The following DCAF6 variants were observed in gnomAD, a reference collection of about 807,000 sequenced individuals.
DCAF6 encodes DDB1- and CUL4-associated factor 6.
A neutral mutation model predicts 125.1 loss-of-function variants in DCAF6; 54 were observed. The observed-to-expected ratio is 0.43, with a 90% confidence interval of 0.35 to 0.54. The LOEUF is 0.54. Ranked by LOEUF, DCAF6 falls within the 20% of genes least tolerant of loss-of-function variation. The probability of loss-of-function intolerance (pLI) is 0.01; values close to 1 mark genes in which losing one functional copy is unlikely to be tolerated. For missense variants in DCAF6, 934 were observed against 1,161.7 expected (o/e 0.80, Z 2.85); for synonymous variants, 371 against 390.4 (o/e 0.95, Z 0.58).
chr1:167,937,752 T>A (rs541831648), intron 1 of DCAF6, among the ~76,000 whole-genome samples: 1 of 152,198 alleles, frequency 6.6e-6, no homozygotes, highest in African/African-American at 2.4e-5. Context: ...TAACATTTTT[T>A]TTTTGAGGAT....
At position 168,003,884 on chromosome 1, in the gene DCAF6, A is replaced by C; in HGVS notation, c.1012A>C (p.Asn338His). 1 of 1,610,764 alleles carries C rather than the reference A, an allele frequency of 6.2e-7. No individual in the cohort carries two copies. Among genetic ancestry groups the C allele is most frequent in the South Asian group, 1.1e-5 (1 of 90,888 alleles). The change falls in exon 9 of 22, where the codon AAT becomes CAT. Residue 338 changes from asparagine (N) to histidine (H), a missense_variant. Transcript: ENST00000367840. ...TATTGTAATAGGAGAGCAGAGTCCC[A>C]ATGTGTCATTGATGCAGAGAATGTC... ...ERERDGEQSP[N>H]VSLMQRMSDM...
the DCAF6 span, chr1:167,920,142 T>A: frequency 9.0e-7 from 1 of 1,112,026 alleles, no homozygotes; most frequent in Non-Finnish European, 1.4e-6. Flanking sequence ...TTCAATAACT[T>A]CAGTGAATAC....
intron 1 of DCAF6, among the ~76,000 whole-genome samples, chr1:167,950,937 G>A (rs1386157107): frequency 1.3e-5 from 2 of 152,074 alleles, no homozygotes; most frequent in Non-Finnish European, 2.9e-5. Context: ...TAACTTTAAC[G>A]TTTCTGAAAT....
At position 168,065,730 on chromosome 1, in the gene DCAF6, A is replaced by G. The variant is rs1029052478; in HGVS notation, c.2580A>G (p.Pro860=). Residue 860 remains proline (P), a synonymous_variant, in exon 19 of 22, where the codon CCA becomes CCG. Coordinates refer to ENST00000367840, the MANE Select transcript of DCAF6 (RefSeq NM_001198956.2). The part of the protein sequence containing the change: ...ADNHVVNCLQ[P]HPFDPILASS... ...ATCATGTGGTAAACTGCCTGCAGCC[A>G]CATCCGTTTGACCCAAGTAAGATAT... The G allele has an allele frequency of 9.9e-6, 16 of 1,612,006 alleles. No homozygotes were observed. Among genetic ancestry groups the G allele is most frequent in the Non-Finnish European group, 8.5e-7 (1 of 1,178,830 alleles).
chr1:168,073,964 A>G (rs1558062767), intron 21 of DCAF6, among the ~76,000 whole-genome samples: 1 of 144,110 alleles, frequency 6.9e-6, no homozygotes, highest in East Asian at 2.0e-4. Context: ...ATAAATATGT[A>G]TTGAATACAT....
the DCAF6 span, chr1:167,883,661 C>T: frequency 6.2e-7 from 1 of 1,610,746 alleles, no homozygotes; most frequent in Admixed American, 1.7e-5. Context: ...CTGTAGGTGT[C>T]CTTGGCAGTG....
chr1:168,050,451 C>G (rs1314436931), intron 16 of DCAF6, among the ~76,000 whole-genome samples: 4 of 152,098 alleles, frequency 2.6e-5, no homozygotes, highest in African/African-American at 7.2e-5. Flanking sequence ...GTTAAAAGCC[C>G]TGTTATTCTT....
the DCAF6 span, among the ~76,000 whole-genome samples, chr1:167,890,682 G>T: frequency 0.012 from 1,766 of 152,300 alleles, 13 homozygotes; most frequent in African/African-American, 0.017. Flanking sequence ...GTCCACAGAT[G>T]CCATCTGGGA....
the DCAF6 span, among the ~76,000 whole-genome samples, chr1:167,909,456 C>T: frequency 6.6e-6 from 1 of 152,170 alleles, no homozygotes; most frequent in African/African-American, 2.4e-5. Context: ...CAGGCTTGTC[C>T]AAGCTATGTC....
At chr1:167,884,267 T>C in the DCAF6 span, among the ~76,000 whole-genome samples, 1 of 152,136 alleles carries the variant, frequency 6.6e-6, no homozygotes. Context: ...TGGGGAGGAC[T>C]CAAACTTATA....
At chr1:167,869,740 T>C in the DCAF6 span, among the ~76,000 whole-genome samples, 1 of 152,278 alleles carries the variant, frequency 6.6e-6, no homozygotes, top group Non-Finnish European at 1.5e-5. Context: ...GACCCTCTCA[T>C]GCAGACCCCC....
intron 17 of DCAF6, among the ~76,000 whole-genome samples, chr1:168,054,217 A>AT (rs1392260148): frequency 6.6e-6 from 1 of 152,124 alleles, no homozygotes; most frequent in Non-Finnish European, 1.5e-5. Context: ...AAAGAAATGC[A>AT]TTTTTTACAG....
At chr1:167,868,066 A>G in the DCAF6 span, among the ~76,000 whole-genome samples, 1 of 152,206 alleles carries the variant, frequency 6.6e-6, no homozygotes, top group Non-Finnish European at 1.5e-5. Context: ...TAAATACCTT[A>G]GTAAAAGAGG....
Position 168,015,713 on chromosome 1 carries a change from A to G in DCAF6, c.1379-68A>G, listed in dbSNP as rs1571948696. On this transcript the variant is annotated intron_variant, in intron 10 of 21. Coordinates refer to ENST00000367840, the MANE Select transcript of DCAF6 (RefSeq NM_001198956.2). ...TTATATCCTTCTTCTTTTTTAATGT[A>G]TAATCAAATTCTTATTATTTTCTAT... 3.1e-6 allele frequency: 4 copies of G among 1,292,320 alleles called. No homozygotes were observed. In the East Asian group the frequency reaches 8.4e-5, roughly 27 times the overall value. 80.1% of individuals were successfully genotyped at this position (1,292,320 alleles called of 1,614,324 possible).
At chr1:167,883,485 G>A in the DCAF6 span, 1 of 1,614,196 alleles carries the variant, frequency 6.2e-7, no homozygotes, top group Non-Finnish European at 8.5e-7. Flanking sequence ...AGATCTTCAG[G>A]ACAGAAGTGA....
Position 167,936,821 on chromosome 1 carries a change from G to C in DCAF6, c.-91G>C. 5 of 1,185,986 alleles carry C rather than the reference G, an allele frequency of 4.2e-6. No individual in the cohort carries two copies. Among genetic ancestry groups the C allele is most frequent in the Non-Finnish European group, 4.8e-6 (4 of 825,920 alleles). The allele number at this position is 1,185,986 out of a possible 1,614,324, so 73.5% of individuals were successfully genotyped here. On this transcript the variant is annotated 5_prime_UTR_variant, in exon 1 of 22. Transcript: ENST00000367840. Reference sequence around the variant, plus strand: ...GGAGGCCCGGCGCGCGGATGGTGCCGGTGCGGCTCGGGTGTTGAAACGGGT... The same window carrying C: ...GGAGGCCCGGCGCGCGGATGGTGCCCGTGCGGCTCGGGTGTTGAAACGGGT...
the DCAF6 span, among the ~76,000 whole-genome samples, chr1:167,875,423 A>T: frequency 0.041 from 2,220 of 54,234 alleles, 24 homozygotes; most frequent in East Asian, 0.16. Context: ...ACATTGTTCA[A>T]TAAATGCTGT....
the DCAF6 span, among the ~76,000 whole-genome samples, chr1:167,895,562 C>T: frequency 5.3e-5 from 8 of 152,252 alleles, no homozygotes; most frequent in East Asian, 7.7e-4. Flanking sequence ...AGTTCAGATA[C>T]GTTAATATTA....
the DCAF6 span, among the ~76,000 whole-genome samples, chr1:167,907,000 G>T: frequency 6.6e-6 from 1 of 152,170 alleles, no homozygotes; most frequent in Admixed American, 6.6e-5. Flanking sequence ...CTCCACCATG[G>T]AGGATTGAAA....
Sources: allele counts gnomAD v4.1 joint callset (sites outside exome capture counted in the v4.1 genomes callset), GRCh38; gene constraint gnomAD v4.1.1; transcripts MANE v1.5; gene names NCBI Gene and HGNC (gene_info 2026-07-23, HGNC 2026-07-21).